AFG3L2: variants seen among roughly 807,000 people sequenced by gnomAD.
AFG3L2 encodes mitochondrial inner membrane m-AAA protease component AFG3L2.
AFG3L2 carries 54 observed loss-of-function variants against 94.5 expected under a neutral mutation model. That is an observed-to-expected ratio of 0.57 (90% CI 0.46 to 0.72). AFG3L2 has a LOEUF of 0.72. Ranked by LOEUF, AFG3L2 falls within the 30% of genes least tolerant of loss-of-function variation. The pLI is 0.00. For synonymous variants in AFG3L2, 377 were observed against 365.5 expected, an observed-to-expected ratio of 1.03 and a Z score of -0.36; for missense variants, 754 against 994.9, an observed-to-expected ratio of 0.76 and a Z score of 3.26.
At position 12,371,691 on chromosome 18, in the gene AFG3L2, G is replaced by C; in HGVS notation, c.115C>G (p.Leu39Val). The change falls in exon 2 of 17, where the codon CTT becomes GTT. Residue 39 changes from leucine (L) to valine (V), a missense_variant and splice_region_variant. Physicochemically the swap from Leu to Val is conservative, Grantham distance 32. Transcript: ENST00000269143. ...GCTTGAGTTGTAACAAATCGGTAAA[G>C]CTGCAACAAGACATAAAAATAAAAC... is the stretch of plus-strand genomic sequence containing the variant. ...GPGEQPCLRTLYRFVTTQARA... is the reference protein window; with the variant it reads ...GPGEQPCLRTVYRFVTTQARA... 1 of 1,612,896 alleles carries C rather than the reference G, an allele frequency of 6.2e-7. No individual in the cohort carries two copies. The highest frequency in any genetic ancestry group is 8.5e-7 in the Non-Finnish European group (1 of 1,179,138).
chr18:12,344,478 C>T (rs138960376), intron 13 of AFG3L2, among the ~76,000 whole-genome samples: 199 of 152,080 alleles, frequency 1.3e-3, no homozygotes, highest in East Asian at 0.011. Context: ...AGTTCGAGAC[C>T]AGCCTGGCCA....
chr18:12,355,156 G>A (rs986768145), intron 9 of AFG3L2, among the ~76,000 whole-genome samples: 4 of 150,758 alleles, frequency 2.7e-5, no homozygotes, highest in Non-Finnish European at 5.9e-5. Context: ...CAGAGGTTAT[G>A]CCGCTGCACT....
chr18:12,351,870 A>G (rs1908329730), intron 10 of AFG3L2, among the ~76,000 whole-genome samples: 1 of 152,120 alleles, frequency 6.6e-6, no homozygotes, highest in African/African-American at 2.4e-5. Flanking sequence ...TTAAGTTACA[A>G]ACTTGAATTA....
intron 16 of AFG3L2, among the ~76,000 whole-genome samples, chr18:12,330,338 C>CA (rs59713847): frequency 0.033 from 4,993 of 149,310 alleles, 137 homozygotes; most frequent in Non-Finnish European, 0.049. Flanking sequence ...AACAAACAAA[C>CA]AAAAAAAAAT....
intron 7 of AFG3L2, among the ~76,000 whole-genome samples, chr18:12,359,509 C>T (rs1908592741): frequency 6.6e-6 from 1 of 152,080 alleles, no homozygotes; most frequent in Non-Finnish European, 1.5e-5. Flanking sequence ...GAGGCGGAGG[C>T]AGGTGGATTA....
At chr18:12,333,531 T>C (rs1230517067) in intron 16 of AFG3L2, among the ~76,000 whole-genome samples, 1 of 150,608 alleles carries the variant, frequency 6.6e-6, no homozygotes, top group Non-Finnish European at 1.5e-5. Flanking sequence ...GCCGGGCTAA[T>C]TTTTTATATT....
intron 6 of AFG3L2, among the ~76,000 whole-genome samples, chr18:12,361,571 T>C (rs1478099128): frequency 6.6e-6 from 1 of 152,086 alleles, no homozygotes; most frequent in Non-Finnish European, 1.5e-5. Flanking sequence ...TTCTTGAACC[T>C]GGGAGGCGGA....
At chr18:12,372,468 A>G (rs1909021908) in intron 1 of AFG3L2, among the ~76,000 whole-genome samples, 1 of 152,208 alleles carries the variant, frequency 6.6e-6, no homozygotes, top group African/African-American at 2.4e-5. Context: ...CCACTCTGGA[A>G]AACAGTTTGA....
intron 16 of AFG3L2, among the ~76,000 whole-genome samples, chr18:12,333,495 C>G (rs1405263093): frequency 1.3e-5 from 2 of 150,484 alleles, no homozygotes; most frequent in African/African-American, 4.9e-5. Flanking sequence ...CTCCAAGTAG[C>G]TGGGACTACA....
At chr18:12,332,926 CATATACT>C (rs1907585982) in intron 16 of AFG3L2, among the ~76,000 whole-genome samples, 2 of 131,002 alleles carry the variant, frequency 1.5e-5, no homozygotes, top group Non-Finnish European at 3.1e-5. Context: ...TTATATATAA[CATATACT>C]ATATAACATA....
chr18:12,368,141 T>C (rs143203544), intron 3 of AFG3L2, among the ~76,000 whole-genome samples: 4,351 of 151,452 alleles, frequency 0.029, 199 homozygotes, highest in African/African-American at 0.1. Flanking sequence ...CACTCCAGCC[T>C]GGGCAACAAG....
intron 8 of AFG3L2, 72 bp from the exon 9 acceptor site, chr18:12,356,903 T>A: frequency 6.9e-7 from 1 of 1,445,534 alleles, no homozygotes; most frequent in Admixed American, 1.9e-5. Context: ...CACAAATAAT[T>A]ACAAGATATA....
chr18:12,360,822 G>A (rs757615182), intron 6 of AFG3L2, among the ~76,000 whole-genome samples: 5 of 152,174 alleles, frequency 3.3e-5, no homozygotes, highest in Non-Finnish European at 7.3e-5. Flanking sequence ...GAAATAAGAG[G>A]CTGGGATCTG....
At chr18:12,371,766 T>A in intron 1 of AFG3L2, 75 bp from the exon 2 acceptor site, 2 of 1,215,500 alleles carry the variant, frequency 1.6e-6, no homozygotes, top group East Asian at 2.5e-5. Flanking sequence ...TTCCTGGTCA[T>A]AAAGTAGATG....
At position 12,377,175 on chromosome 18, in the gene AFG3L2, A is replaced by T; in HGVS notation, c.-93T>A. The T allele has an allele frequency of 1.0e-6, 1 of 1,001,000 alleles. No homozygotes were observed. Among genetic ancestry groups the T allele is most frequent in the Non-Finnish European group, 1.4e-6 (1 of 711,346 alleles). The allele number at this position is 1,001,000 out of a possible 1,614,324, so 62.0% of individuals were successfully genotyped here. ...CGGGAAGCGGGCTCGGCTCGGGGAA[A>T]GGCCGCCAGGCAGCGAAGCGCGCCG... On this transcript the variant is annotated 5_prime_UTR_variant, in exon 1 of 17. Transcript: ENST00000269143.
chr18:12,365,655 G>A (rs1458271348), intron 5 of AFG3L2, among the ~76,000 whole-genome samples: 1 of 152,188 alleles, frequency 6.6e-6, no homozygotes, highest in East Asian at 1.9e-4. Flanking sequence ...CACAGTAGCA[G>A]CTGCTCATTT....
intron 15 of AFG3L2, among the ~76,000 whole-genome samples, chr18:12,338,017 G>A (rs111430494): frequency 1.6e-4 from 25 of 152,214 alleles, no homozygotes; most frequent in East Asian, 5.8e-4. Flanking sequence ...TGATCTGCCC[G>A]CTTCGGCCTC....
At chr18:12,331,463 T>A (rs961359912) in intron 16 of AFG3L2, among the ~76,000 whole-genome samples, 1 of 152,220 alleles carries the variant, frequency 6.6e-6, no homozygotes, top group African/African-American at 2.4e-5. Context: ...TCAAATAAAC[T>A]TATCTGTTAA....
intron 14 of AFG3L2, 64 bp from the exon 15 acceptor site, chr18:12,340,465 G>T: frequency 1.4e-5 from 18 of 1,251,292 alleles, no homozygotes; most frequent in East Asian, 2.3e-5. Context: ...AAACATCTGT[G>T]TATAAACAGA....
Sources: gnomAD v4.1 joint callset for allele counts (sites outside exome capture counted in the v4.1 genomes callset) on GRCh38, gnomAD v4.1.1 for gene constraint, MANE v1.5 for transcripts, NCBI Gene and HGNC (gene_info 2026-07-23, HGNC 2026-07-21) for gene names.